The following EYS variants were observed in gnomAD, a reference collection of about 807,000 sequenced individuals.
EYS encodes the protein EGF-like photoreceptor maintenance factor, also known as protein eyes shut homolog.
Under a neutral mutation model 282.1 loss-of-function variants are expected in EYS, and 250 were observed. The ratio of observed to expected loss-of-function variants is 0.89; its 90% CI spans 0.80 to 0.98. The LOEUF (loss-of-function observed/expected upper bound fraction) is 0.98, where lower values mean the gene tolerates loss of function less well. Among genes scored for constraint, EYS ranks in the 50% least tolerant of loss-of-function variants. The probability of loss-of-function intolerance (pLI) is 0.00; values close to 1 mark genes in which losing one functional copy is unlikely to be tolerated. For missense variants in EYS, 4,016 were observed against 3,709.0 expected (o/e 1.08, Z -2.15); for synonymous variants, 1,355 against 1,282.9 (o/e 1.06, Z -1.20).
chr6:64,113,037 G>A (rs918829313), intron 31 of EYS, among the ~76,000 whole-genome samples: 27 of 152,026 alleles, frequency 1.8e-4, no homozygotes, highest in African/African-American at 6.5e-4. Context: ...TTAAGGTTAT[G>A]TTGATTGAAA....
chr6:65,260,774 A>T (rs1237174689), intron 12 of EYS, among the ~76,000 whole-genome samples: 3 of 152,054 alleles, frequency 2.0e-5, no homozygotes, highest in Non-Finnish European at 2.9e-5. Context: ...CAATGGGTAA[A>T]AAAGCACAAA....
chr6:64,463,202 AG>A (rs1324743116), intron 26 of EYS, among the ~76,000 whole-genome samples: 3 of 151,970 alleles, frequency 2.0e-5, no homozygotes, highest in Non-Finnish European at 4.4e-5. Context: ...CTGCCCCTCT[AG>A]GCCTCCCAAA....
chr6:64,645,502 G>A (rs940573386), intron 22 of EYS, among the ~76,000 whole-genome samples: 1 of 152,170 alleles, frequency 6.6e-6, no homozygotes, highest in Non-Finnish European at 1.5e-5. Flanking sequence ...GGAATATTAA[G>A]AGTCAGAGTT....
At chr6:65,559,243 C>T (rs1178136371) in intron 2 of EYS, among the ~76,000 whole-genome samples, 1 of 151,996 alleles carries the variant, frequency 6.6e-6, no homozygotes, top group Non-Finnish European at 1.5e-5. Flanking sequence ...ATTAGCTGGG[C>T]ATGGTGGCTT....
intron 2 of EYS, among the ~76,000 whole-genome samples, chr6:65,584,807 T>C (rs1203726406): frequency 6.6e-6 from 1 of 151,350 alleles, no homozygotes; most frequent in Non-Finnish European, 1.5e-5. Flanking sequence ...ATGAATAATA[T>C]ATATGTCTTT....
chr6:64,862,195 G>A (rs1348452473), intron 19 of EYS, among the ~76,000 whole-genome samples: 1 of 152,092 alleles, frequency 6.6e-6, no homozygotes, highest in African/African-American at 2.4e-5. Context: ...CTATAGGTGA[G>A]GTGGTCTTTC....
At chr6:64,887,260 T>A (rs900399474) in intron 18 of EYS, among the ~76,000 whole-genome samples, 2 of 112,616 alleles carry the variant, frequency 1.8e-5, no homozygotes, top group African/African-American at 7.0e-5. Context: ...AAGGGGAACA[T>A]CACACACCGG....
intron 29 of EYS, among the ~76,000 whole-genome samples, chr6:64,316,120 G>A (rs1769950748): frequency 6.6e-6 from 1 of 152,124 alleles, no homozygotes; most frequent in African/African-American, 2.4e-5. Context: ...CATACTGAAT[G>A]GGCAAAAACT....
intron 32 of EYS, among the ~76,000 whole-genome samples, chr6:64,078,962 C>CTTT (rs1011771163): frequency 7.9e-5 from 12 of 152,074 alleles, no homozygotes; most frequent in African/African-American, 2.9e-4. Flanking sequence ...TTGGGTGCTG[C>CTTT]TTTAACTATG....
intron 32 of EYS, among the ~76,000 whole-genome samples, chr6:64,078,665 A>G (rs1301071786): frequency 2.0e-5 from 3 of 152,068 alleles, no homozygotes; most frequent in Non-Finnish European, 4.4e-5. Context: ...TATAACAACA[A>G]TTATATAAGA....
At chr6:65,074,895 G>A (rs896394581) in intron 12 of EYS, among the ~76,000 whole-genome samples, 1 of 151,948 alleles carries the variant, frequency 6.6e-6, no homozygotes, top group Non-Finnish European at 1.5e-5. Flanking sequence ...CAGAAGAAAC[G>A]TTCACATAAG....
At chr6:64,368,469 G>T (rs766396450) in intron 29 of EYS, among the ~76,000 whole-genome samples, 2 of 152,054 alleles carry the variant, frequency 1.3e-5, no homozygotes, top group Non-Finnish European at 1.5e-5. Context: ...GGGATTGCTT[G>T]TTGAATGGTA....
At chr6:65,352,391 A>G (rs561275409) in intron 9 of EYS, among the ~76,000 whole-genome samples, 14 of 152,066 alleles carry the variant, frequency 9.2e-5, no homozygotes, top group African/African-American at 2.9e-4. Context: ...GAATGAAAAT[A>G]CCATATAGTC....
chr6:64,189,648 A>C (rs920511564), intron 31 of EYS, among the ~76,000 whole-genome samples: 26 of 152,226 alleles, frequency 1.7e-4, no homozygotes, highest in Admixed American at 5.9e-4. Context: ...TGTGGGTGGA[A>C]CTCATTCAAT....
chr6:63,884,447 G>T (rs894872444), intron 35 of EYS, among the ~76,000 whole-genome samples: 10 of 152,150 alleles, frequency 6.6e-5, no homozygotes, highest in African/African-American at 2.4e-4. Context: ...ACATAAGAGA[G>T]CCTCCTGGGG....
At chr6:64,233,770 C>G (rs757761828) in intron 30 of EYS, among the ~76,000 whole-genome samples, 1 of 152,098 alleles carries the variant, frequency 6.6e-6, no homozygotes, top group Non-Finnish European at 1.5e-5. Context: ...GGATTCAAAA[C>G]CAAACTTGAT....
At chr6:65,225,418 A>T (rs1766595157) in intron 12 of EYS, among the ~76,000 whole-genome samples, 1 of 151,988 alleles carries the variant, frequency 6.6e-6, no homozygotes, top group Non-Finnish European at 1.5e-5. Flanking sequence ...TTCAACATAG[A>T]AAACCAATCC....
At chr6:65,569,762 T>C (rs1316552592) in intron 2 of EYS, among the ~76,000 whole-genome samples, 2 of 152,106 alleles carry the variant, frequency 1.3e-5, no homozygotes, top group African/African-American at 4.8e-5. Context: ...CAATCAGCAA[T>C]GCTCACTCCC....
chr6:64,538,732 TA>T (rs529632867), intron 26 of EYS, among the ~76,000 whole-genome samples: 56 of 152,258 alleles, frequency 3.7e-4, no homozygotes, highest in African/African-American at 1.3e-3. Flanking sequence ...TTAACTATCA[TA>T]AAAAAATCTA....
Sources: gnomAD v4.1 joint callset for allele counts (sites outside exome capture counted in the v4.1 genomes callset) on GRCh38, gnomAD v4.1.1 for gene constraint, MANE v1.5 for transcripts, NCBI Gene and HGNC (gene_info 2026-07-23, HGNC 2026-07-21) for gene names.